RBM20: variants seen among roughly 807,000 people sequenced by gnomAD.
RBM20 encodes the protein RNA-binding protein 20.
A neutral mutation model predicts 110.1 loss-of-function variants in RBM20; 51 were observed. That is an observed-to-expected ratio of 0.46 (90% CI 0.37 to 0.59). The LOEUF (loss-of-function observed/expected upper bound fraction) is 0.59, where lower values mean the gene tolerates loss of function less well. Among genes scored for constraint, RBM20 ranks in the 20% least tolerant of loss-of-function variants. The probability of loss-of-function intolerance (pLI) is 0.00; values close to 1 mark genes in which losing one functional copy is unlikely to be tolerated. For missense variants in RBM20, 1,512 were observed against 1,574.9 expected, an observed-to-expected ratio of 0.96 and a Z score of 0.68; for synonymous variants, 589 against 618.2, an observed-to-expected ratio of 0.95 and a Z score of 0.70.
chr10:110,715,715 G>A (rs1406552664), intron 1 of RBM20, among the ~76,000 whole-genome samples: 1 of 152,236 alleles, frequency 6.6e-6, no homozygotes, highest in Non-Finnish European at 1.5e-5. Flanking sequence ...CCATCTTATA[G>A]CTGAGCTAAC....
intron 1 of RBM20, among the ~76,000 whole-genome samples, chr10:110,681,132 G>T (rs1177592774): frequency 6.6e-6 from 1 of 152,180 alleles, no homozygotes; most frequent in Non-Finnish European, 1.5e-5. Flanking sequence ...ACAAGGGAGA[G>T]ACCTCTGCAG....
upstream of RBM20, chr10:110,644,303 C>G (rs916881055): frequency 3.8e-5 from 20 of 525,892 alleles, no homozygotes; most frequent in African/African-American, 4.0e-4. This position sits in a 1 kb window ranked among gnomAD's most constrained non-coding sequence, Gnocchi z 4.3. Flanking sequence ...GCCGCCAGGA[C>G]TGCCTCCTCC....
At chr10:110,710,598 G>C (rs1194357975) in intron 1 of RBM20, among the ~76,000 whole-genome samples, 2 of 152,262 alleles carry the variant, frequency 1.3e-5, no homozygotes, top group Non-Finnish European at 2.9e-5. Flanking sequence ...GGAGCTCACA[G>C]TTTGGAGAAT....
chr10:110,746,407 A>G (rs1271536019), intron 1 of RBM20, among the ~76,000 whole-genome samples: 1 of 152,218 alleles, frequency 6.6e-6, no homozygotes. Flanking sequence ...CTCATTACGA[A>G]ACATTCTTTA....
At chr10:110,759,162 G>A (rs1843961603) in intron 1 of RBM20, among the ~76,000 whole-genome samples, 1 of 152,166 alleles carries the variant, frequency 6.6e-6, no homozygotes, top group African/African-American at 2.4e-5. Flanking sequence ...TCGGCGCTGA[G>A]CTTGTTCGTT....
At chr10:110,815,206 A>G (rs745589304) in intron 9 of RBM20, among the ~76,000 whole-genome samples, 2 of 152,262 alleles carry the variant, frequency 1.3e-5, no homozygotes, top group African/African-American at 2.4e-5. Flanking sequence ...CAACTTATAC[A>G]GTTGTAAAAT....
At chr10:110,748,856 G>C (rs1843818375) in intron 1 of RBM20, among the ~76,000 whole-genome samples, 1 of 152,168 alleles carries the variant, frequency 6.6e-6, no homozygotes, top group Admixed American at 6.5e-5. Context: ...GAGACCATGT[G>C]CCCATTAAGC....
At chr10:110,693,660 T>C (rs1298696461) in intron 1 of RBM20, among the ~76,000 whole-genome samples, 1 of 152,238 alleles carries the variant, frequency 6.6e-6, no homozygotes, top group African/African-American at 2.4e-5. Flanking sequence ...CCAAGGAACA[T>C]GAGGCTTTTG....
intron 1 of RBM20, among the ~76,000 whole-genome samples, chr10:110,671,230 A>G (rs1862253565): frequency 6.6e-6 from 1 of 152,224 alleles, no homozygotes; most frequent in African/African-American, 2.4e-5. Context: ...CTGATGGACA[A>G]TGATGGTTCT....
At chr10:110,810,568 C>T (rs1258829713) in intron 8 of RBM20, 106 bp downstream of exon 8, 2 of 727,762 alleles carry the variant, frequency 2.7e-6, no homozygotes, top group Non-Finnish European at 4.5e-6. Context: ...CTGTTCTTGC[C>T]CCTACCCCAT....
chr10:110,768,143 T>G (rs1844134179), intron 1 of RBM20, among the ~76,000 whole-genome samples: 1 of 152,008 alleles, frequency 6.6e-6, no homozygotes, highest in South Asian at 2.1e-4. Flanking sequence ...GGCAGGAGAA[T>G]CAGGCAGGGA....
intron 5 of RBM20, among the ~76,000 whole-genome samples, chr10:110,785,608 C>T (rs759783798): frequency 3.2e-4 from 49 of 152,198 alleles, no homozygotes; most frequent in African/African-American, 9.4e-4. Context: ...TGTTGTCAAG[C>T]GTTTGTAGTA....
At chr10:110,819,473 T>G (rs918486455) in intron 9 of RBM20, among the ~76,000 whole-genome samples, 3 of 152,246 alleles carry the variant, frequency 2.0e-5, no homozygotes, top group Non-Finnish European at 4.4e-5. Flanking sequence ...ACCAAACACC[T>G]GCTTTCAATT....
intron 1 of RBM20, among the ~76,000 whole-genome samples, chr10:110,718,707 G>T (rs1303429535): frequency 1.4e-5 from 2 of 147,078 alleles, no homozygotes; most frequent in African/African-American, 2.5e-5. Context: ...CGCCTCCGAG[G>T]TTCAAGCTAT....
chr10:110,793,319 G>A (rs143681841), intron 5 of RBM20, among the ~76,000 whole-genome samples: 2,180 of 152,170 alleles, frequency 0.014, 29 homozygotes, highest in Middle Eastern at 0.041. Flanking sequence ...CCACTGTCCC[G>A]CATCTTCATA....
intron 1 of RBM20, among the ~76,000 whole-genome samples, chr10:110,751,216 C>G (rs948134825): frequency 6.6e-6 from 1 of 152,184 alleles, no homozygotes; most frequent in African/African-American, 2.4e-5. Context: ...TCTGTAAAAC[C>G]TGTCTGGGTG....
At chr10:110,658,733 G>A (rs1054014266) in intron 1 of RBM20, among the ~76,000 whole-genome samples, 2 of 152,006 alleles carry the variant, frequency 1.3e-5, no homozygotes, top group African/African-American at 4.8e-5. Flanking sequence ...GGTTCAGACT[G>A]CATGGAAGGC....
chr10:110,754,040 C>CT (rs949441987), intron 1 of RBM20, among the ~76,000 whole-genome samples: 2 of 152,174 alleles, frequency 1.3e-5, no homozygotes, highest in African/African-American at 2.4e-5. Context: ...CCTGCAAAGT[C>CT]TTTTTTGCCA....
At chr10:110,742,781 G>T (rs142279145) in intron 1 of RBM20, among the ~76,000 whole-genome samples, 4 of 152,176 alleles carry the variant, frequency 2.6e-5, no homozygotes, top group African/African-American at 9.6e-5. Flanking sequence ...TGGGAGGCTC[G>T]GTTAGTATTT....
Sources: allele counts gnomAD v4.1 joint callset (sites outside exome capture counted in the v4.1 genomes callset), GRCh38; gene constraint gnomAD v4.1.1; non-coding constraint Gnocchi (gnomAD v3.1); transcripts MANE v1.5; gene names NCBI Gene and HGNC (gene_info 2026-07-23, HGNC 2026-07-21).